The following MFF variants were observed in gnomAD, a reference collection of about 807,000 sequenced individuals.
The protein encoded by MFF is chromosome 2 open reading frame 33.
Under a neutral mutation model 36.9 loss-of-function variants are expected in MFF, and 12 were observed. The ratio of observed to expected loss-of-function variants is 0.33; its 90% CI spans 0.21 to 0.53. MFF has a LOEUF of 0.53. Ranked by LOEUF, MFF falls within the 20% of genes least tolerant of loss-of-function variation. MFF has a pLI of 0.95. For synonymous variants in MFF, 99 were observed against 126.2 expected (o/e 0.78, Z 1.44); for missense variants, 348 against 366.6 (o/e 0.95, Z 0.42).
chr2:227,343,006 A>G (rs79113813), intron 5 of MFF, among the ~76,000 whole-genome samples: 2 of 152,080 alleles, frequency 1.3e-5, no homozygotes, highest in African/African-American at 4.8e-5. Flanking sequence ...AAAAAAAAAA[A>G]CTAGACCATC....
At chr2:227,342,939 C>T in intron 5 of MFF, 2 of 712,766 alleles carry the variant, frequency 2.8e-6, no homozygotes, top group South Asian at 2.3e-5. Context: ...TCCTGTTTGG[C>T]TTTTTAGTAC....
At chr2:227,337,536 G>T (rs1318901869) in intron 4 of MFF, among the ~76,000 whole-genome samples, 1 of 152,130 alleles carries the variant, frequency 6.6e-6, no homozygotes, top group East Asian at 1.9e-4. Context: ...AGGAATTTAT[G>T]AACAATCAAA....
intron 4 of MFF, among the ~76,000 whole-genome samples, chr2:227,337,530 A>G (rs2075098350): frequency 6.6e-6 from 1 of 152,214 alleles, no homozygotes; most frequent in African/African-American, 2.4e-5. Context: ...TTGCCCAGGA[A>G]TTTATGAACA....
chr2:227,337,997 T>C (rs566903405), intron 4 of MFF, among the ~76,000 whole-genome samples: 1 of 151,560 alleles, frequency 6.6e-6, no homozygotes, highest in African/African-American at 2.4e-5. Flanking sequence ...TAAGCCAAGA[T>C]TGTGCCACTG....
At chr2:227,332,632 C>T in intron 4 of MFF, 44 bp downstream of exon 4, 1 of 1,481,730 alleles carries the variant, frequency 6.7e-7, no homozygotes, top group Non-Finnish European at 9.2e-7. Context: ...ATAATGTAGA[C>T]AAAGGTAAAA....
At chr2:227,336,904 T>C (rs1179765272) in intron 4 of MFF, among the ~76,000 whole-genome samples, 1 of 152,170 alleles carries the variant, frequency 6.6e-6, no homozygotes, top group Non-Finnish European at 1.5e-5. Context: ...CTAAAACAAA[T>C]GCAGAAGGGC....
chr2:227,327,477 G>T (rs2074246147), intron 1 of MFF, among the ~76,000 whole-genome samples: 1 of 136,716 alleles, frequency 7.3e-6, no homozygotes, highest in African/African-American at 2.7e-5. Flanking sequence ...CCCAATAATT[G>T]GGATAATACA....
At chr2:227,338,229 C>T (rs1196049572) in intron 4 of MFF, among the ~76,000 whole-genome samples, 7 of 151,336 alleles carry the variant, frequency 4.6e-5, no homozygotes, top group Non-Finnish European at 8.8e-5. Flanking sequence ...ATTATCTGGG[C>T]GAGATGGCAT....
intron 7 of MFF, among the ~76,000 whole-genome samples, chr2:227,355,047 G>A (rs1006889149): frequency 3.9e-5 from 6 of 152,180 alleles, no homozygotes; most frequent in Non-Finnish European, 8.8e-5. Context: ...TGTAATTCCA[G>A]CTACTTGGGA....
At chr2:227,330,345 G>A (rs934444022) in intron 2 of MFF, 17 of 315,490 alleles carry the variant, frequency 5.4e-5, no homozygotes, top group African/African-American at 9.7e-5. Context: ...GAGAGTATGT[G>A]TGTATGTGTG....
chr2:227,334,029 A>G (rs2074801106), intron 4 of MFF, among the ~76,000 whole-genome samples: 1 of 152,214 alleles, frequency 6.6e-6, no homozygotes, highest in Admixed American at 6.5e-5. Context: ...CAGAGTGTAT[A>G]ACACTGGGGT....
At chr2:227,327,553 G>A (rs1008474803) in intron 1 of MFF, among the ~76,000 whole-genome samples, 4 of 152,168 alleles carry the variant, frequency 2.6e-5, no homozygotes, top group Non-Finnish European at 5.9e-5. Flanking sequence ...AGGAGAACTT[G>A]GCTTTTTCCA....
At chr2:227,336,399 A>T (rs918919537) in intron 4 of MFF, among the ~76,000 whole-genome samples, 3 of 152,256 alleles carry the variant, frequency 2.0e-5, no homozygotes, top group African/African-American at 7.2e-5. Flanking sequence ...AATACTATTC[A>T]TTTCTATAAT....
At chr2:227,343,153 G>C (rs1051811535) in intron 5 of MFF, among the ~76,000 whole-genome samples, 19 of 151,300 alleles carry the variant, frequency 1.3e-4, no homozygotes, top group Non-Finnish European at 7.4e-5. Flanking sequence ...AACGTCACCT[G>C]GTGCAGTGAT....
intron 4 of MFF, among the ~76,000 whole-genome samples, 163 bp downstream of exon 4, chr2:227,332,751 T>C (rs2074695343): frequency 6.6e-6 from 1 of 152,234 alleles, no homozygotes; most frequent in East Asian, 1.9e-4. Context: ...TAAGTTATTA[T>C]GCTATTTTTA....
intron 5 of MFF, among the ~76,000 whole-genome samples, chr2:227,341,052 A>G (rs1226993160): frequency 6.6e-6 from 1 of 152,220 alleles, no homozygotes; most frequent in African/African-American, 2.4e-5. Context: ...TGTGATGGCA[A>G]GTATCATGTA....
In MFF at chr2:227,332,733, G is replaced by A. The variant is rs905019442; in HGVS notation, c.351+145G>A. The A allele has an allele frequency of 1.9e-5, 11 of 570,504 alleles. No individual in the cohort carries two copies. In the South Asian group the frequency reaches 2.0e-4, roughly 10 times the overall value. The allele number at this position is 570,504 out of a possible 1,614,324, so 35.3% of individuals were successfully genotyped here. On this transcript the variant is annotated intron_variant, in intron 4 of 8. Transcript: ENST00000304593. Reference sequence around the variant, plus strand: ...TTACTAATAATTCTAATTTACAAATGTGCCAAATAAGTTATTATGCTATTT... The same window carrying A: ...TTACTAATAATTCTAATTTACAAATATGCCAAATAAGTTATTATGCTATTT...
intron 1 of MFF, among the ~76,000 whole-genome samples, chr2:227,325,967 C>T (rs2074078744): frequency 6.6e-6 from 1 of 152,124 alleles, no homozygotes; most frequent in Non-Finnish European, 1.5e-5. Flanking sequence ...GCCACCCTGT[C>T]CGTCTGTGAG....
At chr2:227,356,690 A>T (rs1233874215) in intron 8 of MFF, among the ~76,000 whole-genome samples, 2 of 152,190 alleles carry the variant, frequency 1.3e-5, no homozygotes, top group Non-Finnish European at 2.9e-5. Context: ...CCAGAATAAC[A>T]GTAGGTAACC....
Sources: allele counts gnomAD v4.1 joint callset (sites outside exome capture counted in the v4.1 genomes callset), GRCh38; gene constraint gnomAD v4.1.1; transcripts MANE v1.5; gene names NCBI Gene and HGNC (gene_info 2026-07-23, HGNC 2026-07-21).